RAB9B: variants seen among roughly 807,000 people sequenced by gnomAD.
RAB9B encodes RAB9B, member RAS oncogene family.
In RAB9B, 1 loss-of-function variant was observed where a neutral mutation model predicts 8.9. The ratio of observed to expected loss-of-function variants is 0.11; its 90% CI spans 0.04 to 0.53. The LOEUF (loss-of-function observed/expected upper bound fraction) is 0.53. RAB9B is among the 20% of genes least tolerant of loss of function. The probability of loss-of-function intolerance (pLI) is 0.93; values close to 1 mark genes in which losing one functional copy is unlikely to be tolerated. For synonymous variants in RAB9B, 63 were observed against 57.0 expected (o/e 1.10, Z -0.47); for missense variants, 82 against 152.9 (o/e 0.54, Z 2.45).
At chrX:103,777,052 A>T in the RAB9B span, 1 of 1,108,376 alleles carries the variant, frequency 9.0e-7, no homozygotes, top group Non-Finnish European at 1.2e-6. Context: ...AGGAATTCAC[A>T]AGAGAATTTC....
chrX:103,802,096 A>G, the RAB9B span, among the ~76,000 whole-genome samples: 1 of 110,580 alleles, frequency 9.0e-6, no homozygotes, highest in South Asian at 4.0e-4. Context: ...TAACTTACGA[A>G]GATACCAGCA....
At chrX:103,797,087 CT>C in the RAB9B span, among the ~76,000 whole-genome samples, 27,336 of 84,275 alleles carry the variant, frequency 0.32, 3,782 homozygotes, top group Middle Eastern at 0.4. Flanking sequence ...GGAAAGAGAC[CT>C]TTTTTTTTTT....
chrX:103,825,188 C>G lies in RAB9B; in HGVS notation c.597G>C (p.Ser199=). The change falls in exon 3 of 3, where the codon TCG becomes TCC. Residue 199 remains serine, a synonymous_variant. Transcript: ENST00000243298. ...AAAAGGCTCCCTATCTTTAACAGCA[C>G]GAAGACCCTGCTTTGGAGCCACTGT... ...DLNSGSKAGS[S]CC 8.3e-7 allele frequency: 1 copy of G among 1,207,295 alleles called. No homozygotes were observed. The highest frequency in any genetic ancestry group is 1.1e-6 in the Non-Finnish European group (1 of 893,305).
chrX:103,806,946 C>T, the RAB9B span, among the ~76,000 whole-genome samples: 2 of 111,404 alleles, frequency 1.8e-5, no homozygotes, highest in African/African-American at 6.5e-5. Flanking sequence ...GTTATGTGGG[C>T]CTTAGCAAAT....
chrX:103,828,203 G>T (rs937575175), intron 1 of RAB9B, among the ~76,000 whole-genome samples: 1 of 111,301 alleles, frequency 9.0e-6, no homozygotes, highest in African/African-American at 3.3e-5. Flanking sequence ...TCTAAATATA[G>T]ATAAAACTTA....
the RAB9B span, among the ~76,000 whole-genome samples, chrX:103,806,312 T>C: frequency 1.8e-5 from 2 of 111,425 alleles, no homozygotes; most frequent in Non-Finnish European, 3.8e-5. Flanking sequence ...TTTTTATTCA[T>C]CTCAAGGTAT....
chrX:103,806,563 A>G, the RAB9B span, among the ~76,000 whole-genome samples: 1 of 112,118 alleles, frequency 8.9e-6, no homozygotes, highest in African/African-American at 3.2e-5. Flanking sequence ...AAGAATATGT[A>G]TACTGCTGTT....
downstream of RAB9B, among the ~76,000 whole-genome samples, chrX:103,818,308 T>C (rs746690988): frequency 8.9e-6 from 1 of 112,040 alleles, no homozygotes; most frequent in African/African-American, 3.2e-5. Flanking sequence ...AGGAAGATAA[T>C]AGTCCATACG....
At chrX:103,800,114 A>AT in the RAB9B span, among the ~76,000 whole-genome samples, 1 of 111,804 alleles carries the variant, frequency 8.9e-6, no homozygotes, top group Non-Finnish European at 1.9e-5. Context: ...ATTAAGGACC[A>AT]TTTTTTAAAA....
At chrX:103,780,788 T>C in the RAB9B span, 1 of 112,748 alleles carries the variant, frequency 8.9e-6, no homozygotes, top group East Asian at 2.8e-4. Context: ...TTGATAATTG[T>C]TGTTTTACTC....
chrX:103,788,017 A>T, the RAB9B span: 28 of 1,007,409 alleles, frequency 2.8e-5, no homozygotes, highest in Non-Finnish European at 3.9e-5. Flanking sequence ...TGGAAGCACT[A>T]TATATTTGGT....
the RAB9B span, among the ~76,000 whole-genome samples, chrX:103,808,775 C>T: frequency 1.8e-5 from 2 of 112,714 alleles, no homozygotes; most frequent in Non-Finnish European, 3.8e-5. Context: ...AGAAACAGGG[C>T]CCCCTTCCCC....
At chrX:103,778,124 A>G in the RAB9B span, among the ~76,000 whole-genome samples, 1 of 112,109 alleles carries the variant, frequency 8.9e-6, no homozygotes, top group Admixed American at 9.4e-5. Flanking sequence ...TCTGCTACTT[A>G]TGAACTATGT....
chrX:103,789,186 A>G, the RAB9B span: 2 of 534,062 alleles, frequency 3.7e-6, no homozygotes, highest in South Asian at 4.9e-5. Flanking sequence ...GGAGGCCCAC[A>G]TTTAGGGAAG....
chrX:103,826,741 G>A (rs1257068332), intron 2 of RAB9B, among the ~76,000 whole-genome samples: 2 of 111,621 alleles, frequency 1.8e-5, no homozygotes, highest in Non-Finnish European at 3.8e-5. Flanking sequence ...GGTCTATTGT[G>A]GGAACTCAAC....
chrX:103,810,385 A>C, the RAB9B span, among the ~76,000 whole-genome samples: 1 of 111,864 alleles, frequency 8.9e-6, no homozygotes, highest in Non-Finnish European at 1.9e-5. Context: ...TTTGCATCAG[A>C]GTCACCAGAA....
chrX:103,825,955 T>C (rs2074681817), intron 2 of RAB9B, 129 bp from the exon 3 acceptor site: 3 of 470,059 alleles, frequency 6.4e-6, no homozygotes, highest in Non-Finnish European at 1.0e-5. Context: ...TTAATTGATG[T>C]AGTACAGCAG....
At chrX:103,787,721 T>A in the RAB9B span, 3 of 887,178 alleles carry the variant, frequency 3.4e-6, no homozygotes, top group Admixed American at 6.6e-5. Flanking sequence ...CACACGCCAC[T>A]CCAGGATCTC....
At chrX:103,793,659 T>C in the RAB9B span, among the ~76,000 whole-genome samples, 1 of 81,596 alleles carries the variant, frequency 1.2e-5, no homozygotes, top group African/African-American at 4.6e-5. Context: ...CCAAGAAAGC[T>C]ATGTTTTCCA....
Sources: gnomAD v4.1 joint callset for allele counts (sites outside exome capture counted in the v4.1 genomes callset) on GRCh38, gnomAD v4.1.1 for gene constraint, MANE v1.5 for transcripts, NCBI Gene and HGNC (gene_info 2026-07-23, HGNC 2026-07-21) for gene names.